The following LY9 variants were observed in gnomAD, a reference collection of about 807,000 sequenced individuals.
LY9 encodes lymphocyte antigen 9.
In LY9, 59 loss-of-function variants were observed where a neutral mutation model predicts 64.6. The ratio of observed to expected loss-of-function variants is 0.91; its 90% confidence interval spans 0.74 to 1.13. The LOEUF (loss-of-function observed/expected upper bound fraction) is 1.13. Ranked by LOEUF, LY9 falls within the 50% of genes most tolerant of loss-of-function variation. The pLI, the probability that LY9 is intolerant of heterozygous loss-of-function variation, is 0.00. For missense variants in LY9, 789 were observed against 797.2 expected, an observed-to-expected ratio of 0.99 and a Z score of 0.12; for synonymous variants, 281 against 308.5, an observed-to-expected ratio of 0.91 and a Z score of 0.93.
chr1:160,819,776 G>T (rs944295089), intron 7 of LY9, among the ~76,000 whole-genome samples: 1 of 122,510 alleles, frequency 8.2e-6, no homozygotes, highest in East Asian at 2.4e-4. Context: ...GGGCAACAGG[G>T]CAAGACTCTG....
chr1:160,811,339 G>A (rs1181148673), intron 2 of LY9: 2 of 152,234 alleles, frequency 1.3e-5, no homozygotes, highest in East Asian at 1.9e-4. Context: ...TTTCTGCTGA[G>A]GTGGTCAAAT....
At chr1:160,805,787 A>T (rs1666931735) in intron 2 of LY9, among the ~76,000 whole-genome samples, 2 of 128,056 alleles carry the variant, frequency 1.6e-5, no homozygotes, top group Non-Finnish European at 3.4e-5. Context: ...ACACACTCTT[A>T]CTCTCACTCT....
chr1:160,826,428 G>A (rs138039751), intron 9 of LY9, among the ~76,000 whole-genome samples: 9 of 152,278 alleles, frequency 5.9e-5, no homozygotes, highest in African/African-American at 2.2e-4. Context: ...CTTATGCCTG[G>A]TGTTCCATTA....
chr1:160,812,488 A>C (rs1275510415), intron 2 of LY9: 1 of 152,200 alleles, frequency 6.6e-6, no homozygotes, highest in East Asian at 1.9e-4. Flanking sequence ...AGGAAACGGA[A>C]TTCTGTGCAG....
chr1:160,824,245 C>T lies in LY9; in HGVS notation c.1895C>T (p.Pro632Leu). 1.1e-5 allele frequency: 17 copies of T among 1,614,150 alleles called. No homozygotes were observed. The highest frequency in any genetic ancestry group is 1.4e-5 in the Non-Finnish European group (17 of 1,180,012). The change falls in exon 9 of 10, where the codon CCT becomes CTT. Residue 632 changes from proline (P) to leucine (L), a missense_variant. Coordinates refer to ENST00000263285, the MANE Select transcript of LY9 (RefSeq NM_002348.4). ...ACAATCTACTGCTCCATACGGAAAC[C>T]TCAGGTGGTGAGAACTACATTCTCT... ...SATIYCSIRKPQVVPPPQQND... is the reference protein window; with the variant it reads ...SATIYCSIRKLQVVPPPQQND...
intron 2 of LY9, among the ~76,000 whole-genome samples, chr1:160,803,798 G>A (rs1006407361): frequency 3.3e-5 from 5 of 152,102 alleles, no homozygotes; most frequent in African/African-American, 7.2e-5. Context: ...GCTTGAGCTC[G>A]GAAGTTCAAG....
chr1:160,814,809 C>A (rs766296002), intron 4 of LY9, 48 bp downstream of exon 4: 2 of 1,485,934 alleles, frequency 1.3e-6, no homozygotes, highest in Non-Finnish European at 1.8e-6. Flanking sequence ...TCTCTGAAAG[C>A]TTTCTCCTCT....
intron 2 of LY9, chr1:160,801,819 G>T: frequency 6.2e-7 from 1 of 1,614,030 alleles, no homozygotes. Flanking sequence ...GTCCGTCCAC[G>T]TCATCGAGGG....
chr1:160,801,733 G>A, intron 2 of LY9: 1 of 1,339,800 alleles, frequency 7.5e-7, no homozygotes, highest in Non-Finnish European at 1.1e-6. Context: ...TTTTTTATAT[G>A]ATGAGAAATA....
intron 5 of LY9, among the ~76,000 whole-genome samples, chr1:160,817,293 A>T (rs967390531): frequency 6.6e-6 from 1 of 152,230 alleles, no homozygotes; most frequent in Non-Finnish European, 1.5e-5. Context: ...GAAAAAATAG[A>T]TTTATGCACC....
rs1435734202 is a variant in LY9 at position 160,816,815 on chromosome 1, C to G, written c.1294C>G (p.Pro432Ala). 6.2e-7 allele frequency: 1 copy of G among 1,614,224 alleles called. No individual in the cohort carries two copies. The highest frequency in any genetic ancestry group is 1.1e-5 in the South Asian group (1 of 91,084). ...CAACCTCACATGCACAGCCAGCAAC[C>G]CTGTCAGCAGGAGTTCCCACCAGTT... ...HPNLTCTASN[P>A]VSRSSHQFLS... Residue 432 changes from proline to alanine, a missense_variant, in exon 5 of 10, where the codon CCT (proline) becomes GCT (alanine). Transcript: ENST00000263285.
At chr1:160,806,217 A>G (rs182037062) in intron 2 of LY9, among the ~76,000 whole-genome samples, 3 of 151,914 alleles carry the variant, frequency 2.0e-5, no homozygotes, top group African/African-American at 7.2e-5. Flanking sequence ...ACTGTTAATT[A>G]TTTTCTGGTT....
At chr1:160,813,514 C>A (rs1056821180) in intron 2 of LY9, 122 bp from the exon 3 acceptor site, 6 of 908,290 alleles carry the variant, frequency 6.6e-6, no homozygotes, top group East Asian at 5.0e-5. Flanking sequence ...GATGTCCCTG[C>A]GACAGGTAAC....
Position 160,799,680 on chromosome 1 carries a change from T to G in LY9, c.125-73T>G, listed in dbSNP as rs1666254502. 1.2e-5 allele frequency: 11 copies of G among 911,650 alleles called. No homozygotes were observed. The East Asian group carries it at 2.6e-4, about 22-fold the overall frequency. The allele number at this position is 911,650 out of a possible 1,614,324, so 56.5% of individuals were successfully genotyped here. ...TCTGACATTTATGCCCAATGTATAT[T>G]CACAGAGTGAAAGAAAGAAGGCTAG... On this transcript the variant is annotated intron_variant, in intron 1 of 9. Transcript: ENST00000263285.
At chr1:160,810,812 G>A (rs1451338816) in intron 2 of LY9, 1 of 152,122 alleles carries the variant, frequency 6.6e-6, no homozygotes, top group African/African-American at 2.4e-5. Context: ...TCACCCTGAG[G>A]CAAAATTCTT....
intron 2 of LY9, chr1:160,809,770 C>A (rs1231504333): frequency 6.6e-6 from 1 of 152,200 alleles, no homozygotes; most frequent in Non-Finnish European, 1.5e-5. Context: ...TTCTCAATAA[C>A]AAAGTATTGT....
intron 6 of LY9, among the ~76,000 whole-genome samples, chr1:160,818,718 G>A (rs1289151675): frequency 1.3e-5 from 2 of 152,156 alleles, no homozygotes; most frequent in African/African-American, 2.4e-5. Flanking sequence ...CCCGCTGAGG[G>A]AAGGGGTGGG....
intron 6 of LY9, 26 bp downstream of exon 6, chr1:160,818,345 C>A (rs764211287): frequency 6.4e-7 from 1 of 1,553,338 alleles, no homozygotes; most frequent in African/African-American, 1.4e-5. Flanking sequence ...CAATGTTGTC[C>A]GCCAGTGCTA....
chr1:160,808,684 T>C (rs1667206336), intron 2 of LY9, among the ~76,000 whole-genome samples: 3 of 152,190 alleles, frequency 2.0e-5, no homozygotes, highest in Non-Finnish European at 4.4e-5. Context: ...GTGTTTCCTG[T>C]CACATCTCTG....
Sources: gnomAD v4.1 joint callset for allele counts (sites outside exome capture counted in the v4.1 genomes callset) on GRCh38, gnomAD v4.1.1 for gene constraint, MANE v1.5 for transcripts, NCBI Gene and HGNC (gene_info 2026-07-23, HGNC 2026-07-21) for gene names.